The following SMYD1 variants were observed in gnomAD, a reference collection of about 807,000 sequenced individuals.
SMYD1 encodes SET and MYND domain containing 1.
SMYD1 carries 49 observed loss-of-function variants against 54.0 expected under a neutral mutation model. That is an observed-to-expected ratio of 0.91 (90% confidence interval 0.72 to 1.15). SMYD1 has a LOEUF of 1.15. SMYD1 is among the 50% of genes most tolerant of loss of function. SMYD1 has a pLI of 0.00. For missense variants in SMYD1, 653 were observed against 639.6 expected (o/e 1.02, Z -0.23); for synonymous variants, 269 against 234.2 (o/e 1.15, Z -1.36).
At position 88,091,059 on chromosome 2, in the gene SMYD1, C is replaced by A. The variant is rs767686633; in HGVS notation, c.576C>A (p.Ala192=). Residue 192 remains alanine, a synonymous_variant, in exon 4 of 10, where the codon GCC becomes GCA. Coordinates refer to ENST00000419482, the MANE Select transcript of SMYD1 (RefSeq NM_198274.4). ...FTLSDQRGLQ[A]VGVGIFPNLG... is the part of the protein sequence containing the mutation. ...TCAGTGATCAGAGAGGCCTGCAGGC[C>A]GTGGGCGTAGGCATCTTCCCCAACC... 2 of 1,614,094 alleles carry A rather than the reference C, an allele frequency of 1.2e-6. No individual in the cohort carries two copies. Among genetic ancestry groups the A allele is most frequent in the Middle Eastern group, 1.6e-4 (1 of 6,062 alleles).
At chr2:88,099,900 C>T (rs1674681294) in intron 6 of SMYD1, among the ~76,000 whole-genome samples, 1 of 150,242 alleles carries the variant, frequency 6.7e-6, no homozygotes, top group Non-Finnish European at 1.5e-5. Flanking sequence ...TTTCATCTGG[C>T]CCTCCCCTTG....
In SMYD1 at chr2:88,112,597, A is replaced by G. The variant is rs1675053581; in HGVS notation, c.*2085A>G. The G allele has an allele frequency of 6.2e-6, 1 of 161,260 alleles. No homozygotes were observed. Among genetic ancestry groups the G allele is most frequent in the South Asian group, 1.8e-4 (1 of 5,516 alleles). 10.0% of individuals were successfully genotyped at this position (161,260 alleles called of 1,614,324 possible). A position where few individuals can be genotyped will look rare whatever the true frequency, so the allele number is the denominator to read the frequency against. ...AGTTTTTTTTAGTTGTATAGTTATC[A>G]TCTGCCTTTCTTCACTTTGCATTTC... On this transcript the variant is annotated 3_prime_UTR_variant, in exon 10 of 10. Transcript: ENST00000419482.
intron 2 of SMYD1, among the ~76,000 whole-genome samples, chr2:88,085,726 G>T (rs1226485005): frequency 6.6e-6 from 1 of 152,184 alleles, no homozygotes; most frequent in Non-Finnish European, 1.5e-5. Flanking sequence ...GGAGGCAGCA[G>T]ATCTTCCCTG....
In SMYD1 at chr2:88,104,128, G is replaced by A. The variant is rs191013716; in HGVS notation, c.981+978G>A. ...ACTACAGGTGCCCGCCACCACGCCTGGCTAATTTTTTGTACTTTCAGTAGA... is the reference window on the plus strand; with the variant it reads ...ACTACAGGTGCCCGCCACCACGCCTAGCTAATTTTTTGTACTTTCAGTAGA... On this transcript the variant is annotated intron_variant, in intron 7 of 9. Coordinates refer to ENST00000419482, the MANE Select transcript of SMYD1 (RefSeq NM_198274.4). 1.7e-3 allele frequency among the ~76,000 whole-genome samples: 262 copies of A among 152,152 alleles called. 3 individuals carry two copies. Among genetic ancestry groups the A allele is most frequent in the African/African-American group, 5.5e-3 (228 of 41,528 alleles).
chr2:88,111,167 A>T lies in SMYD1; in HGVS notation c.*655A>T, dbSNP rs1675013481. 1 of 152,226 alleles carries T rather than the reference A, an allele frequency of 6.6e-6. No homozygotes were observed. The allele number at this position is 152,226 out of a possible 1,614,324, so 9.4% of individuals were successfully genotyped here. On this transcript the variant is annotated 3_prime_UTR_variant, in exon 10 of 10. Transcript: ENST00000419482. ...TTCAGAATGGTGCATATGTCGAAAGAGCTGGCTGGGGGCCTTGCCCAAACC... is the reference window on the plus strand; with the variant it reads ...TTCAGAATGGTGCATATGTCGAAAGTGCTGGCTGGGGGCCTTGCCCAAACC...
At chr2:88,077,722 CTTTT>C (rs1168525311) in intron 1 of SMYD1, among the ~76,000 whole-genome samples, 1 of 126,230 alleles carries the variant, frequency 7.9e-6, no homozygotes, top group African/African-American at 2.9e-5. Flanking sequence ...GTGGGCATTT[CTTTT>C]TTTTTTTTTT....
rs149281444 is a variant in SMYD1, at chr2:88,087,885, G to A, written c.338G>A (p.Arg113Gln). The A allele has an allele frequency of 9.1e-5, 146 of 1,596,456 alleles. No homozygotes were observed. Among genetic ancestry groups the A allele is most frequent in the African/African-American group, 5.9e-4 (44 of 74,610 alleles). Residue 113 changes from arginine to glutamine, a missense_variant, in exon 3 of 10, where the codon CGG (arginine) becomes CAG (glutamine). Arg to Gln is a conservative substitution (Grantham distance 43, BLOSUM62 1). Coordinates refer to ENST00000419482, the MANE Select transcript of SMYD1 (RefSeq NM_198274.4). ...AGGCTGGCGGCGCGCATCATGTGGC[G>A]GGTGGAGAGAGAAGGCACCGGGCTC... is the stretch of plus-strand genomic sequence containing the variant. ...NIRLAARIMW[R>Q]VEREGTGLTE...
intron 1 of SMYD1, among the ~76,000 whole-genome samples, chr2:88,082,316 G>A (rs894957669): frequency 2.0e-5 from 3 of 152,160 alleles, no homozygotes; most frequent in African/African-American, 7.2e-5. Context: ...AAACTTTCAC[G>A]CCCTCAAGTA....
rs1056056121 is a variant in SMYD1, at chr2:88,106,261, C to T, written c.982-64C>T. The stretch of plus-strand genomic sequence containing the variant: ...TTGTCTGGTATCACCATGATGGTCG[C>T]GTATGTGAATTAAACGTGTGCTCTG... On this transcript the variant is annotated intron_variant, in intron 7 of 9. Transcript: ENST00000419482. 9.7e-5 allele frequency: 153 copies of T among 1,577,152 alleles called. 1 individual carries two copies. In the African/African-American group the frequency reaches 1.2e-3, roughly 12 times the overall value.
At position 88,091,900 on chromosome 2, in the gene SMYD1, A is replaced by T. The variant is rs1364654396; in HGVS notation, c.659+758A>T. 3.9e-5 allele frequency among the ~76,000 whole-genome samples: 6 copies of T among 152,092 alleles called. No individual in the cohort carries two copies. The East Asian group carries it at 1.2e-3, about 29-fold the overall frequency. On this transcript the variant is annotated intron_variant, in intron 4 of 9. Transcript: ENST00000419482. ...CAAACCAAACCAAACAAAATAATAT[A>T]ACAACAAAAAGAAACTAACAGGAAT...
chr2:88,070,229 T>C (rs994541934), intron 1 of SMYD1, among the ~76,000 whole-genome samples: 1 of 152,116 alleles, frequency 6.6e-6, no homozygotes, highest in Admixed American at 6.6e-5. Context: ...AAAGGAAAGT[T>C]TTATGCATTT....
At chr2:88,075,458 T>C (rs1446223813) in intron 1 of SMYD1, among the ~76,000 whole-genome samples, 1 of 151,876 alleles carries the variant, frequency 6.6e-6, no homozygotes, top group Non-Finnish European at 1.5e-5. Flanking sequence ...AGAATTGATG[T>C]TTTAATAAAA....
chr2:88,108,278 C>T, intron 8 of SMYD1, 93 bp from the exon 9 acceptor site: 2 of 1,281,588 alleles, frequency 1.6e-6, no homozygotes, highest in Non-Finnish European at 2.1e-6. Flanking sequence ...GACAGATGGG[C>T]TTAATCAACA....
At position 88,092,390 on chromosome 2, in the gene SMYD1, C is replaced by T. The variant is rs111793535; in HGVS notation, c.660-1127C>T. On this transcript the variant is annotated intron_variant, in intron 4 of 9. Coordinates refer to ENST00000419482, the MANE Select transcript of SMYD1 (RefSeq NM_198274.4). ...TGGGGAAATGTAGGGGAATGAGGCC[C>T]GAGCAATATTAATTGCTTTTGCTCT... Among the ~76,000 whole-genome samples the T allele has an allele frequency of 6.2e-3, 946 of 152,180 alleles. 13 individuals carry two copies. The highest frequency in any genetic ancestry group is 0.022 in the African/African-American group (915 of 41,524).
Position 88,113,249 on chromosome 2 carries a change from T to C in SMYD1, c.*2737T>C, listed in dbSNP as rs1675070700. The C allele has an allele frequency of 6.6e-6, 1 of 152,158 alleles. No homozygotes were observed. Among genetic ancestry groups the C allele is most frequent in the Non-Finnish European group, 1.5e-5 (1 of 68,032 alleles). 9.4% of individuals were successfully genotyped at this position (152,158 alleles called of 1,614,324 possible). On this transcript the variant is annotated 3_prime_UTR_variant, in exon 10 of 10. Coordinates refer to ENST00000419482, the MANE Select transcript of SMYD1 (RefSeq NM_198274.4). Reference sequence around the variant, plus strand: ...TGGTAGGTGCTCAGTAAATGTGTGTTGAATAAATGAATGAATGAATGAACA... The same window carrying C: ...TGGTAGGTGCTCAGTAAATGTGTGTCGAATAAATGAATGAATGAATGAACA...
intron 1 of SMYD1, among the ~76,000 whole-genome samples, chr2:88,083,771 G>T (rs563003316): frequency 6.6e-5 from 10 of 152,256 alleles, no homozygotes; most frequent in African/African-American, 1.9e-4. Context: ...TATGCAGAGG[G>T]TAAGAGTGTC....
intron 1 of SMYD1, among the ~76,000 whole-genome samples, chr2:88,083,717 T>C (rs1674252809): frequency 6.6e-6 from 1 of 152,224 alleles, no homozygotes; most frequent in Admixed American, 6.5e-5. Flanking sequence ...CCTAATACAT[T>C]TAGGTCATCA....
intron 4 of SMYD1, 73 bp downstream of exon 4, chr2:88,091,215 A>T: frequency 6.6e-7 from 1 of 1,510,506 alleles, no homozygotes. Flanking sequence ...CACTTGACTT[A>T]AGCCAAAGTC....
chr2:88,108,232 T>C (rs935083952), intron 8 of SMYD1, 139 bp from the exon 9 acceptor site: 1 of 750,234 alleles, frequency 1.3e-6, no homozygotes, highest in Admixed American at 4.0e-5. Context: ...CAGTTCCCCC[T>C]TGGCGGCTAC....
Sources: gnomAD v4.1 joint callset for allele counts (sites outside exome capture counted in the v4.1 genomes callset) on GRCh38, gnomAD v4.1.1 for gene constraint, MANE v1.5 for transcripts, NCBI Gene and HGNC (gene_info 2026-07-23, HGNC 2026-07-21) for gene names.